PRKCE: variants seen among roughly 807,000 people sequenced by gnomAD.
The protein encoded by PRKCE is protein kinase C epsilon.
In PRKCE, 16 loss-of-function variants were observed where a neutral mutation model predicts 85.4. The observed-to-expected ratio is 0.19, with a 90% CI of 0.13 to 0.28. The LOEUF (loss-of-function observed/expected upper bound fraction) is 0.28, where lower values mean the gene tolerates loss of function less well. Ranked by LOEUF, PRKCE falls within the 10% of genes least tolerant of loss-of-function variation. The pLI, the probability that PRKCE is intolerant of heterozygous loss-of-function variation, is 1.00. For missense variants in PRKCE, 573 were observed against 975.2 expected (o/e 0.59, Z 5.49); for synonymous variants, 388 against 371.5 (o/e 1.04, Z -0.51).
Position 45,885,227 on chromosome 2 carries a change from T to C in PRKCE, c.412+42164T>C, listed in dbSNP as rs758492490. ...TCTTTCCCCAGAAAGAATTATGTTG[T>C]TAATACTGTGGTTTTCCACTGCTCC... On this transcript the variant is annotated intron_variant, in intron 2 of 14. Transcript: ENST00000306156. Among the ~76,000 whole-genome samples, 79 of 152,044 alleles carry C rather than the reference T, an allele frequency of 5.2e-4. 2 individuals are homozygous for C. Among genetic ancestry groups the C allele is most frequent in the Non-Finnish European group, 2.1e-4 (14 of 68,004 alleles).
intron 14 of PRKCE, among the ~76,000 whole-genome samples, chr2:46,183,403 T>C (rs1009360672): frequency 6.6e-6 from 1 of 152,248 alleles, no homozygotes; most frequent in South Asian, 2.1e-4. Flanking sequence ...ATTAATATTA[T>C]TTCTCCTACA....
At chr2:46,075,887 G>T (rs926579313) in intron 10 of PRKCE, among the ~76,000 whole-genome samples, 1 of 152,252 alleles carries the variant, frequency 6.6e-6, no homozygotes, top group Admixed American at 6.5e-5. Context: ...TGAAGCAAAG[G>T]TTCCTGAAGC....
chr2:45,663,658 C>T (rs796111848), intron 1 of PRKCE, among the ~76,000 whole-genome samples: 10 of 152,290 alleles, frequency 6.6e-5, no homozygotes, highest in African/African-American at 2.2e-4. Flanking sequence ...TGGCAGGCAC[C>T]TGTAGTTCCA....
intron 10 of PRKCE, among the ~76,000 whole-genome samples, chr2:46,081,054 C>T (rs550198760): frequency 4.6e-5 from 7 of 152,156 alleles, no homozygotes; most frequent in South Asian, 4.2e-4. Flanking sequence ...CACAGTGGTG[C>T]GATCACAACT....
chr2:46,085,686 G>A (rs895978665), intron 10 of PRKCE, among the ~76,000 whole-genome samples: 8 of 138,328 alleles, frequency 5.8e-5, no homozygotes, highest in Admixed American at 3.0e-4. Context: ...GGTAATCCAG[G>A]ATAACCTCCC....
At chr2:45,858,479 A>C (rs1378561481) in intron 2 of PRKCE, among the ~76,000 whole-genome samples, 1 of 151,400 alleles carries the variant, frequency 6.6e-6, no homozygotes, top group Non-Finnish European at 1.5e-5. Context: ...CCTCCCTTCC[A>C]CTATTTTTAT....
At chr2:45,816,340 T>A (rs1255930998) in intron 1 of PRKCE, among the ~76,000 whole-genome samples, 3 of 152,052 alleles carry the variant, frequency 2.0e-5, no homozygotes, top group Admixed American at 2.0e-4. Flanking sequence ...CCCTGGAGTG[T>A]CACGAGGTTT....
intron 1 of PRKCE, among the ~76,000 whole-genome samples, chr2:45,827,067 G>A (rs183287504): frequency 1.1e-4 from 17 of 152,222 alleles, no homozygotes; most frequent in South Asian, 4.2e-4. Flanking sequence ...TCTCACTCAC[G>A]GCCAAAGCCA....
chr2:45,663,109 A>T (rs1675752308), intron 1 of PRKCE, among the ~76,000 whole-genome samples: 1 of 152,234 alleles, frequency 6.6e-6, no homozygotes, highest in Admixed American at 6.5e-5. Context: ...TACAGAGTCA[A>T]ATGCACATTA....
intron 1 of PRKCE, among the ~76,000 whole-genome samples, chr2:45,671,845 G>A (rs1048930465): frequency 6.6e-6 from 1 of 152,074 alleles, no homozygotes; most frequent in African/African-American, 2.4e-5. Flanking sequence ...GAGGCAGGGG[G>A]ATTGCTTGAG....
chr2:46,112,245 C>A (rs2104236569), intron 11 of PRKCE, among the ~76,000 whole-genome samples: 1 of 152,242 alleles, frequency 6.6e-6, no homozygotes, highest in Admixed American at 6.5e-5. Flanking sequence ...CATAGTAATT[C>A]TTTCTCTATC....
intron 10 of PRKCE, chr2:46,078,868 G>C (rs1401446608): frequency 6.6e-6 from 1 of 152,168 alleles, no homozygotes; most frequent in African/African-American, 2.4e-5. Flanking sequence ...TCACACACCA[G>C]TTGTACTATA....
intron 11 of PRKCE, among the ~76,000 whole-genome samples, chr2:46,094,822 G>A (rs1574457486): frequency 6.8e-6 from 1 of 146,988 alleles, no homozygotes; most frequent in African/African-American, 2.5e-5. Context: ...AAAAAAAAAA[G>A]CATTTTCACT....
intron 1 of PRKCE, among the ~76,000 whole-genome samples, chr2:45,817,484 G>A (rs1219358387): frequency 6.6e-6 from 1 of 152,194 alleles, no homozygotes; most frequent in South Asian, 2.1e-4. Flanking sequence ...ACGAGGTCAG[G>A]AGATCGAGAC....
At chr2:46,119,989 C>T (rs1418583040) in intron 11 of PRKCE, among the ~76,000 whole-genome samples, 1 of 149,506 alleles carries the variant, frequency 6.7e-6, no homozygotes, top group Non-Finnish European at 1.5e-5. Flanking sequence ...GCTCCTTGGG[C>T]ACCTTTTGGA....
chr2:45,981,004 C>G lies in PRKCE; in HGVS notation c.693+623C>G, dbSNP rs1420036344. On this transcript the variant is annotated intron_variant, in intron 5 of 14. Transcript: ENST00000306156. ...CTGCCCAAAATCACACAGCTAAGAG[C>G]CACTTTCAAACCCAGGCAGTTTGTT... is the stretch of plus-strand genomic sequence containing the variant. Among the ~76,000 whole-genome samples the G allele has an allele frequency of 2.0e-5, 3 of 152,176 alleles. No individual in the cohort carries two copies. The South Asian group carries it at 6.2e-4, about 32-fold the overall frequency.
chr2:45,992,958 T>A (rs1703928486), intron 6 of PRKCE, among the ~76,000 whole-genome samples: 1 of 152,224 alleles, frequency 6.6e-6, no homozygotes, highest in South Asian at 2.1e-4. Flanking sequence ...AGAAGAGCGC[T>A]TCTCTTTTTG....
At chr2:45,989,257 G>C (rs1410097825) in intron 6 of PRKCE, among the ~76,000 whole-genome samples, 1 of 152,216 alleles carries the variant, frequency 6.6e-6, no homozygotes, top group African/African-American at 2.4e-5. Context: ...CTGGCCTGGA[G>C]ATTCCTAAAG....
chr2:45,926,383 G>A (rs932518316), intron 2 of PRKCE, among the ~76,000 whole-genome samples: 6 of 152,182 alleles, frequency 3.9e-5, no homozygotes, highest in South Asian at 2.1e-4. Context: ...ACAGCAAGTC[G>A]AGGAGGAGCT....
Sources: gnomAD v4.1 joint callset for allele counts (sites outside exome capture counted in the v4.1 genomes callset) on GRCh38, gnomAD v4.1.1 for gene constraint, MANE v1.5 for transcripts, NCBI Gene and HGNC (gene_info 2026-07-23, HGNC 2026-07-21) for gene names.